The following NCOR2 variants were observed in gnomAD, a reference collection of about 807,000 sequenced individuals.
The protein encoded by NCOR2 is CTG repeat protein 26.
A neutral mutation model predicts 262.9 loss-of-function variants in NCOR2; 81 were observed. The observed-to-expected ratio is 0.31, with a 90% confidence interval of 0.26 to 0.37. NCOR2 has a LOEUF of 0.37. NCOR2 is among the 10% of genes least tolerant of loss of function. NCOR2 has a pLI of 1.00. For synonymous variants in NCOR2, 1,659 were observed against 1,559.3 expected, an observed-to-expected ratio of 1.06 and a Z score of -1.51; for missense variants, 3,385 against 3,621.4, an observed-to-expected ratio of 0.93 and a Z score of 1.68.
At chr12:124,348,458 C>A in intron 28 of NCOR2, 144 bp from the exon 31 acceptor site, 1 of 1,164,804 alleles carries the variant, frequency 8.6e-7, no homozygotes, top group South Asian at 1.6e-5. Context: ...CCGAGGCCTC[C>A]AGAGGGAGCT....
intron 22 of NCOR2, among the ~76,000 whole-genome samples, chr12:124,359,352 G>T (rs1230705087): frequency 6.6e-6 from 1 of 152,206 alleles, no homozygotes; most frequent in Non-Finnish European, 1.5e-5. Flanking sequence ...GGGTGTGACA[G>T]CGGAGGAGAG....
rs528665058 is a variant in NCOR2, at chr12:124,452,376, G to A, written c.763-2509C>T. On this transcript the variant is annotated intron_variant, in intron 6 of 46. Transcript: ENST00000405201. Reference sequence around the variant, plus strand: ...GCAAGCGGACATCACTTAAAGGTTCGGGTTTTGGAAACAGATAGGCCCCAA... The same window carrying A: ...GCAAGCGGACATCACTTAAAGGTTCAGGTTTTGGAAACAGATAGGCCCCAA... Among the ~76,000 whole-genome samples the A allele has an allele frequency of 2.1e-3, 314 of 152,304 alleles. 2 individuals are homozygous for A. The highest frequency in any genetic ancestry group is 2.7e-3 in the Non-Finnish European group (187 of 68,022).
At chr12:124,382,360 T>C (rs376074129) in intron 17 of NCOR2, among the ~76,000 whole-genome samples, 1 of 152,172 alleles carries the variant, frequency 6.6e-6, no homozygotes, top group Non-Finnish European at 1.5e-5. Context: ...GCCCGCGATA[T>C]GAGGGTGCTC....
chr12:124,489,582 C>T (rs945212050), intron 1 of NCOR2, among the ~76,000 whole-genome samples: 39 of 152,348 alleles, frequency 2.6e-4, no homozygotes, highest in African/African-American at 8.9e-4. Flanking sequence ...TCTGACCCAG[C>T]TGCTCAGAAA....
chr12:124,448,889 C>A (rs2045353827), intron 7 of NCOR2, among the ~76,000 whole-genome samples: 1 of 152,206 alleles, frequency 6.6e-6, no homozygotes, highest in Admixed American at 6.5e-5. Flanking sequence ...CCTCCCTTTG[C>A]AGCCACACTC....
At chr12:124,412,036 T>C (rs927209285) in intron 13 of NCOR2, among the ~76,000 whole-genome samples, 3 of 151,850 alleles carry the variant, frequency 2.0e-5, no homozygotes, top group African/African-American at 7.3e-5. Flanking sequence ...AAGAAGGCAA[T>C]CCCACCACTC....
chr12:124,356,769 C>T, exon 23 of NCOR2: 1 of 1,481,692 alleles, frequency 6.7e-7, no homozygotes, highest in Non-Finnish European at 8.9e-7. Context: ...GCTTCTGGGC[C>T]TCGGCTGCGA....
intron 18 of NCOR2, among the ~76,000 whole-genome samples, chr12:124,377,695 CG>C (rs1459637530): frequency 1.3e-5 from 2 of 151,828 alleles, no homozygotes; most frequent in African/African-American, 4.8e-5. Context: ...AAAAATTAGC[CG>C]GGTGTGGCGG....
chr12:124,485,098 C>T (rs558662100), intron 2 of NCOR2, among the ~76,000 whole-genome samples: 1 of 152,324 alleles, frequency 6.6e-6, no homozygotes, highest in Admixed American at 6.5e-5. Context: ...TGGGGCTTGG[C>T]AGGAAGCGCA....
At chr12:124,351,734 G>T (rs541816973) in intron 27 of NCOR2, among the ~76,000 whole-genome samples, 1 of 106,248 alleles carries the variant, frequency 9.4e-6, no homozygotes, top group South Asian at 3.8e-4. Context: ...CCTCCTTTCT[G>T]AGCCTCAGTT....
At chr12:124,551,860 C>T (rs2051724005) in intron 1 of NCOR2, among the ~76,000 whole-genome samples, 1 of 152,202 alleles carries the variant, frequency 6.6e-6, no homozygotes. Context: ...GAATCCGGAA[C>T]ACCCGCCCCT....
chr12:124,558,544 G>A (rs2051960995), intron 1 of NCOR2, among the ~76,000 whole-genome samples: 1 of 152,224 alleles, frequency 6.6e-6, no homozygotes, highest in East Asian at 1.9e-4. Flanking sequence ...GCAGTCCCAG[G>A]TGGGCCATCG....
intron 18 of NCOR2, among the ~76,000 whole-genome samples, chr12:124,377,236 G>A (rs1002610227): frequency 5.3e-5 from 8 of 152,166 alleles, no homozygotes; most frequent in East Asian, 1.9e-4. Context: ...CCATGCACAC[G>A]ATGGCTTTAC....
At chr12:124,414,806 T>G (rs1435127069) in intron 13 of NCOR2, among the ~76,000 whole-genome samples, 3 of 152,112 alleles carry the variant, frequency 2.0e-5, no homozygotes, top group African/African-American at 7.2e-5. Context: ...GGGGCCCATG[T>G]CACGGTAGGG....
At chr12:124,344,141 G>A (rs1224138122) in intron 32 of NCOR2, among the ~76,000 whole-genome samples, 1 of 152,206 alleles carries the variant, frequency 6.6e-6, no homozygotes, top group Non-Finnish European at 1.5e-5. Flanking sequence ...GCTAAGCATG[G>A]CCAGGGAACA....
chr12:124,543,980 C>A (rs571206208), intron 1 of NCOR2, among the ~76,000 whole-genome samples: 18 of 152,234 alleles, frequency 1.2e-4, no homozygotes, highest in African/African-American at 4.3e-4. Flanking sequence ...ACATCCTCCC[C>A]CTGTGCAGAT....
intron 1 of NCOR2, among the ~76,000 whole-genome samples, chr12:124,527,268 A>G (rs2050526603): frequency 6.6e-6 from 1 of 152,190 alleles, no homozygotes; most frequent in Non-Finnish European, 1.5e-5. Flanking sequence ...AAGGACGCAG[A>G]CGGGGGCAGA....
intron 1 of NCOR2, among the ~76,000 whole-genome samples, chr12:124,544,619 C>A (rs1323786473): frequency 6.6e-6 from 1 of 152,200 alleles, no homozygotes; most frequent in Admixed American, 6.5e-5. Flanking sequence ...CCAGGACATC[C>A]TCCTCTGCCT....
rs373813854 is a variant in NCOR2, at chr12:124,466,161, G to A, written c.705+12C>T. 81 of 1,602,656 alleles carry A rather than the reference G, an allele frequency of 5.1e-5. No individual in the cohort carries two copies. Among genetic ancestry groups the A allele is most frequent in the African/African-American group, 2.8e-4 (21 of 74,460 alleles). ...GCACCGGGGGGCAGCAGGCCAGGGC[G>A]GGGACACATACCCGGTTCTCGTCGT... On this transcript the variant is annotated intron_variant, in intron 5 of 46. Coordinates refer to ENST00000405201, the Ensembl canonical transcript of NCOR2.
Sources: allele counts gnomAD v4.1 joint callset (sites outside exome capture counted in the v4.1 genomes callset), GRCh38; gene constraint gnomAD v4.1.1; transcripts MANE v1.5; gene names NCBI Gene and HGNC (gene_info 2026-07-23, HGNC 2026-07-21).